The following GALNT6 variants were observed in gnomAD, a reference collection of about 807,000 sequenced individuals.
GALNT6 encodes polypeptide N-acetylgalactosaminyltransferase 6.
GALNT6 carries 51 observed loss-of-function variants against 65.9 expected under a neutral mutation model. The ratio of observed to expected loss-of-function variants is 0.77; its 90% CI spans 0.62 to 0.98. The LOEUF is 0.98. GALNT6 is among the 50% of genes least tolerant of loss of function. The pLI is 0.00. For synonymous variants in GALNT6, 323 were observed against 315.1 expected (o/e 1.02, Z -0.26); for missense variants, 708 against 803.3 (o/e 0.88, Z 1.43).
intron 2 of GALNT6, among the ~76,000 whole-genome samples, chr12:51,382,720 C>G (rs1397611255): frequency 6.6e-6 from 1 of 152,110 alleles, no homozygotes; most frequent in Non-Finnish European, 1.5e-5. Flanking sequence ...AATATGACAG[C>G]GGTGGAGGGT....
chr12:51,369,787 CT>C (rs1427248468), intron 4 of GALNT6, among the ~76,000 whole-genome samples: 1 of 152,180 alleles, frequency 6.6e-6, no homozygotes, highest in African/African-American at 2.4e-5. Context: ...AGAATCCCCC[CT>C]GCTGTCCCCT....
At position 51,387,102 on chromosome 12, in the gene GALNT6, AT is replaced by A. The variant is rs371229228; in HGVS notation, c.-104+3747del. Among the ~76,000 whole-genome samples, 207 of 146,162 alleles carry A rather than the reference AT, an allele frequency of 1.4e-3. No homozygotes were observed. The highest frequency in any genetic ancestry group is 2.1e-3 in the African/African-American group (86 of 40,082). On this transcript the variant is annotated intron_variant, in intron 2 of 11. Coordinates refer to ENST00000356317, the MANE Select transcript of GALNT6 (RefSeq NM_007210.4). The surrounding 1 kb of genome is among the most constrained non-coding windows in gnomAD (Gnocchi z 4.2). ...TCAAGGTTCATTTTATGTTTGCATA[AT>A]TTTTTTTTTTTTGAGATGGAGTCTC...
intron 6 of GALNT6, among the ~76,000 whole-genome samples, chr12:51,361,707 G>A (rs936263504): frequency 6.6e-5 from 10 of 152,116 alleles, no homozygotes; most frequent in African/African-American, 1.7e-4. Context: ...AAGCGGACCC[G>A]GGGAAGTATA....
intron 2 of GALNT6, among the ~76,000 whole-genome samples, chr12:51,381,609 CAA>C (rs1947674153): frequency 6.6e-6 from 1 of 152,234 alleles, no homozygotes; most frequent in Non-Finnish European, 1.5e-5. Flanking sequence ...TAAGTTCCCA[CAA>C]AGTGTTAGTT....
At chr12:51,355,569 C>T (rs1232525654) in intron 11 of GALNT6, among the ~76,000 whole-genome samples, 1 of 152,098 alleles carries the variant, frequency 6.6e-6, no homozygotes, top group Admixed American at 6.5e-5. Context: ...TCCTGGGTTC[C>T]GGCAATTCTC....
At chr12:51,381,026 C>T (rs1187081515) in intron 2 of GALNT6, among the ~76,000 whole-genome samples, 5 of 152,052 alleles carry the variant, frequency 3.3e-5, no homozygotes, top group African/African-American at 4.8e-5. Flanking sequence ...ATCGCTTGGG[C>T]CCAGGAGTTC....
chr12:51,365,627 C>A, intron 4 of GALNT6, 48 bp from the exon 5 acceptor site: 2 of 1,584,538 alleles, frequency 1.3e-6, no homozygotes, highest in Non-Finnish European at 1.7e-6. Context: ...TTGCTGTATA[C>A]CCAATCCCCT....
intron 8 of GALNT6, 53 bp downstream of exon 8, chr12:51,359,078 CT>C: frequency 1.4e-6 from 2 of 1,409,640 alleles, no homozygotes; most frequent in Non-Finnish European, 2.0e-6. Flanking sequence ...TGAACAGGGT[CT>C]GGGGGCCGTA....
chr12:51,354,561 C>T (rs1051311365), intron 11 of GALNT6, 69 bp from the exon 12 acceptor site: 28 of 911,072 alleles, frequency 3.1e-5, no homozygotes, highest in Non-Finnish European at 4.0e-5. Flanking sequence ...AGGGACAATG[C>T]GATGGGGTGC....
Position 51,365,507 on chromosome 12 carries a change from C to A in GALNT6, c.737G>T (p.Arg246Leu). ...QVVRVVRQEE[R>L]KGLITARLLG... ...CAGCCGGGCGGTGATCAGCCCCTTCCGCTCCTCCTGCCGCACCACCCTCAC... is the reference window on the plus strand; with the variant it reads ...CAGCCGGGCGGTGATCAGCCCCTTCAGCTCCTCCTGCCGCACCACCCTCAC... Residue 246 changes from arginine (R) to leucine (L), a missense_variant, in exon 5 of 12, where the codon CGG becomes CTG. By Grantham distance (102) the Arg-to-Leu change is moderately radical. Coordinates refer to ENST00000356317, the MANE Select transcript of GALNT6 (RefSeq NM_007210.4). The A allele has an allele frequency of 6.2e-7, 1 of 1,612,662 alleles. No homozygotes were observed. Among genetic ancestry groups the A allele is most frequent in the Non-Finnish European group, 8.5e-7 (1 of 1,180,004 alleles).
chr12:51,366,319 G>A (rs73309783), intron 4 of GALNT6, among the ~76,000 whole-genome samples: 2,231 of 152,194 alleles, frequency 0.015, 60 homozygotes, highest in East Asian at 0.13. Flanking sequence ...TCCATTGCAC[G>A]GTTGTTTTCC....
At chr12:51,383,630 A>T (rs1015814756) in intron 2 of GALNT6, 12 of 152,140 alleles carry the variant, frequency 7.9e-5, no homozygotes, top group African/African-American at 2.9e-4. Context: ...TAGGCATCTA[A>T]TCTCTCAATC....
intron 7 of GALNT6, 84 bp downstream of exon 7, chr12:51,360,637 C>G (rs1161670454): frequency 2.4e-6 from 2 of 816,724 alleles, no homozygotes; most frequent in African/African-American, 3.4e-5. Flanking sequence ...TGGGATGTCC[C>G]TGATGCCACC....
chr12:51,357,961 T>A (rs1220846997), intron 9 of GALNT6, among the ~76,000 whole-genome samples, 169 bp downstream of exon 9: 1 of 152,188 alleles, frequency 6.6e-6, no homozygotes, highest in African/African-American at 2.4e-5. Flanking sequence ...ATAAGGTTTT[T>A]TGCTATCTCT....
At chr12:51,377,049 C>T in intron 4 of GALNT6, 146 bp downstream of exon 4, 1 of 668,028 alleles carries the variant, frequency 1.5e-6, no homozygotes, top group African/African-American at 1.8e-5. Flanking sequence ...TACCTGACTT[C>T]TTCCTGCTCC....
intron 7 of GALNT6, 38 bp downstream of exon 7, chr12:51,360,683 G>A (rs768878517): frequency 1.7e-6 from 2 of 1,167,984 alleles, no homozygotes; most frequent in Admixed American, 3.4e-5. Context: ...TGTCGCCTGG[G>A]ATGTTGTGGT....
At chr12:51,383,920 G>A (rs749397573) in intron 2 of GALNT6, among the ~76,000 whole-genome samples, 56 of 152,090 alleles carry the variant, frequency 3.7e-4, no homozygotes, top group Admixed American at 1.5e-3. Flanking sequence ...CCCTCCACCA[G>A]CCTTGGAGAA....
At chr12:51,366,588 T>C (rs1309051450) in intron 4 of GALNT6, among the ~76,000 whole-genome samples, 1 of 152,094 alleles carries the variant, frequency 6.6e-6, no homozygotes, top group East Asian at 1.9e-4. Context: ...CCATTTGTCC[T>C]AAGGAACAAA....
At chr12:51,375,954 G>A (rs1243607445) in intron 4 of GALNT6, among the ~76,000 whole-genome samples, 2 of 151,936 alleles carry the variant, frequency 1.3e-5, no homozygotes, top group Admixed American at 6.6e-5. Flanking sequence ...TACGCCTCCC[G>A]GGTTCAGGTG....
Sources: gnomAD v4.1 joint callset for allele counts (sites outside exome capture counted in the v4.1 genomes callset) on GRCh38, gnomAD v4.1.1 for gene constraint, Gnocchi (gnomAD v3.1) non-coding constraint, MANE v1.5 for transcripts, NCBI Gene and HGNC (gene_info 2026-07-23, HGNC 2026-07-21) for gene names.